The following ODF2 variants were observed in gnomAD, a reference collection of about 807,000 sequenced individuals.
ODF2 encodes outer dense fiber protein 2.
Under a neutral mutation model 110.2 loss-of-function variants are expected in ODF2, and 47 were observed. That is an observed-to-expected ratio of 0.43 (90% CI 0.34 to 0.54). The LOEUF is 0.54. ODF2 is among the 20% of genes least tolerant of loss of function. ODF2 has a pLI of 0.03. For missense variants in ODF2, 812 were observed against 1,054.5 expected, an observed-to-expected ratio of 0.77 and a Z score of 3.19; for synonymous variants, 352 against 397.7, an observed-to-expected ratio of 0.89 and a Z score of 1.37.
At position 128,499,000 on chromosome 9, in the gene ODF2, G is replaced by A. The variant is rs776963029; in HGVS notation, c.2176-1G>A. The A allele has an allele frequency of 5.0e-6, 8 of 1,613,476 alleles. No homozygotes were observed. Among genetic ancestry groups the A allele is most frequent in the Non-Finnish European group, 5.9e-6 (7 of 1,179,486 alleles). On this transcript the variant is annotated splice_acceptor_variant, in intron 19 of 20. Coordinates refer to ENST00000604420, the Ensembl canonical transcript of ODF2. LOFTEE classifies it high-confidence loss of function. Reference sequence around the variant, plus strand: ...TCATGTCTGGGCCTTTGAATGTGCAGGTGGAACAAACCAAGGAGCACGCAC... The same window carrying A: ...TCATGTCTGGGCCTTTGAATGTGCAAGTGGAACAAACCAAGGAGCACGCAC...
exon 12 of ODF2, chr9:128,484,808 G>A (rs1843059591): frequency 6.2e-7 from 1 of 1,613,932 alleles, no homozygotes; most frequent in East Asian, 2.2e-5. Flanking sequence ...GCTTGAAGAA[G>A]GCCATCCGAG....
chr9:128,481,775 C>T, intron 9 of ODF2, 124 bp downstream of exon 9: 1 of 669,784 alleles, frequency 1.5e-6, no homozygotes, highest in Non-Finnish European at 2.5e-6. Context: ...GTCTTAGTTT[C>T]ACGATCTGTA....
chr9:128,484,034 C>T (rs1186052648), exon 11 of ODF2: 3 of 1,611,828 alleles, frequency 1.9e-6, no homozygotes, highest in Non-Finnish European at 1.7e-6. Flanking sequence ...TGAGAACAGT[C>T]GCCTGTGCAT....
At position 128,485,927 on chromosome 9, in the gene ODF2, A is replaced by T. The variant is rs1843278167; in HGVS notation, c.1400+453A>T. ...CAGTAGGTCAGTGGTATGGCATGGG[A>T]GTAGGGGGCAAAAGTGGCCTCAATT... On this transcript the variant is annotated intron_variant, in intron 13 of 20. Coordinates refer to ENST00000604420, the Ensembl canonical transcript of ODF2. The surrounding 1 kb of genome is among the most constrained non-coding windows in gnomAD (Gnocchi z 5.0). 6.6e-6 allele frequency among the ~76,000 whole-genome samples: 1 copy of T among 152,038 alleles called. No individual in the cohort carries two copies. Among genetic ancestry groups the T allele is most frequent in the Admixed American group, 6.6e-5 (1 of 15,258 alleles).
upstream of ODF2, chr9:128,456,138 G>A: frequency 6.5e-7 from 1 of 1,548,500 alleles, no homozygotes; most frequent in Non-Finnish European, 8.7e-7. Flanking sequence ...CGGAAGCGGG[G>A]AGGAGCCGCT....
At chr9:128,480,976 A>G (rs1232393696) in intron 8 of ODF2, among the ~76,000 whole-genome samples, 6 of 152,168 alleles carry the variant, frequency 3.9e-5, no homozygotes, top group African/African-American at 1.2e-4. Context: ...CAGTATTTCA[A>G]TACAGTATTC....
intron 2 of ODF2, chr9:128,457,514 A>G: frequency 6.7e-7 from 1 of 1,483,250 alleles, no homozygotes; most frequent in Non-Finnish European, 9.0e-7. Flanking sequence ...GGCTCGCCTG[A>G]GGCTTCCAGC....
chr9:128,473,333 C>A (rs1338623726), intron 7 of ODF2: 1 of 857,958 alleles, frequency 1.2e-6, no homozygotes, highest in Non-Finnish European at 1.4e-6. Context: ...CAGGTCTTGT[C>A]ATCCTCCTTT....
At chr9:128,499,619 GTTTTGTTTTA>G (rs1168742077) in intron 20 of ODF2, among the ~76,000 whole-genome samples, 7 of 151,758 alleles carry the variant, frequency 4.6e-5, no homozygotes, top group Non-Finnish European at 7.4e-5. Context: ...GTTTTGTTTT[GTTTTGTTTTA>G]GACAGAGTTT....
chr9:128,500,924 T>C (rs564073221), downstream of ODF2: 1 of 152,330 alleles, frequency 6.6e-6, no homozygotes, highest in Non-Finnish European at 1.5e-5. Flanking sequence ...TCTTGAAATA[T>C]TTGTGTGATT....
intron 7 of ODF2, chr9:128,473,255 C>T (rs1460408984): frequency 7.1e-6 from 7 of 985,096 alleles, no homozygotes; most frequent in Non-Finnish European, 8.4e-6. Flanking sequence ...CTGAGGAGAC[C>T]TCATCATGGG....
chr9:128,484,702 A>C (rs1843049680), exon 12 of ODF2: 2 of 1,559,422 alleles, frequency 1.3e-6, no homozygotes, highest in African/African-American at 2.7e-5. Context: ...CCCTTCCAGA[A>C]TCTGGAGCGC....
intron 4 of ODF2, among the ~76,000 whole-genome samples, chr9:128,462,311 G>A (rs955980193): frequency 2.6e-4 from 40 of 151,762 alleles, no homozygotes; most frequent in African/African-American, 9.4e-4. Flanking sequence ...CCACCATCCC[G>A]GCTAGTTTTG....
chr9:128,496,379 G>A (rs1845561509), intron 18 of ODF2: 3 of 1,355,706 alleles, frequency 2.2e-6, no homozygotes, highest in Admixed American at 4.5e-5. Flanking sequence ...CTGCCCACCT[G>A]TAGGCACCAC....
At chr9:128,467,960 G>T (rs1165355633) in intron 4 of ODF2, among the ~76,000 whole-genome samples, 2 of 152,072 alleles carry the variant, frequency 1.3e-5, no homozygotes, top group South Asian at 2.1e-4. Context: ...CTCCCAAAGT[G>T]CTGGGATTAC....
chr9:128,491,362 TAA>T (rs1038762957), intron 14 of ODF2, among the ~76,000 whole-genome samples: 5 of 151,124 alleles, frequency 3.3e-5, no homozygotes, highest in African/African-American at 1.2e-4. Flanking sequence ...TTGTTAATTT[TAA>T]AAGTGTGTTA....
In ODF2 at chr9:128,461,132, G is replaced by A. The variant is rs532120463; in HGVS notation, c.249+65G>A. On this transcript the variant is annotated intron_variant, in intron 4 of 20. Coordinates refer to ENST00000604420, the Ensembl canonical transcript of ODF2. ...TCAGATCCTAGCAGGCCTCAGCCTC[G>A]GTATGATTCAGGGTCAGCTATAGCT... 1.8e-4 allele frequency: 276 copies of A among 1,569,290 alleles called. No homozygotes were observed. The African/African-American group carries it at 3.6e-3, about 20-fold the overall frequency.
chr9:128,484,193 T>G (rs1051281081), intron 11 of ODF2, 139 bp downstream of exon 11: 1 of 659,492 alleles, frequency 1.5e-6, no homozygotes, highest in African/African-American at 1.8e-5. Context: ...TACTCAGGCC[T>G]CAGAGACATT....
chr9:128,473,769 C>G, intron 8 of ODF2, 28 bp downstream of exon 8: 6 of 1,600,212 alleles, frequency 3.7e-6, no homozygotes, highest in Non-Finnish European at 5.1e-6. Context: ...CTCTTTCCCT[C>G]CAGCTCTGCA....
Sources: allele counts gnomAD v4.1 joint callset (sites outside exome capture counted in the v4.1 genomes callset), GRCh38; gene constraint gnomAD v4.1.1; non-coding constraint Gnocchi (gnomAD v3.1); transcripts MANE v1.5; gene names NCBI Gene and HGNC (gene_info 2026-07-23, HGNC 2026-07-21).